Variants in EPB41L4A observed in about 807,000 individuals in gnomAD.
The protein encoded by EPB41L4A is band 4.1-like protein 4A.
A neutral mutation model predicts 108.6 loss-of-function variants in EPB41L4A; 100 were observed. The ratio of observed to expected loss-of-function variants is 0.92; its 90% CI spans 0.78 to 1.09. The LOEUF (loss-of-function observed/expected upper bound fraction) is 1.09. EPB41L4A is among the 50% of genes least tolerant of loss of function. The probability of loss-of-function intolerance (pLI) is 0.00; values close to 1 mark genes in which losing one functional copy is unlikely to be tolerated. For synonymous variants in EPB41L4A, 319 were observed against 289.0 expected, an observed-to-expected ratio of 1.10 and a Z score of -1.05; for missense variants, 1,030 against 842.7, an observed-to-expected ratio of 1.22 and a Z score of -2.75.
In EPB41L4A at chr5:112,275,406, T is replaced by C. The variant is rs765634993; in HGVS notation, c.257-2A>G. 1 of 1,534,304 alleles carries C rather than the reference T, an allele frequency of 6.5e-7. No individual in the cohort carries two copies. The highest frequency in any genetic ancestry group is 2.4e-5 in the East Asian group (1 of 41,672). ...AATACAAAGTATATGGAGGTCCAGC[T>C]AAAATAAGAAATAGAAATTAAATTT... On this transcript the variant is annotated splice_acceptor_variant, in intron 3 of 22. Coordinates refer to ENST00000261486, the MANE Select transcript of EPB41L4A (RefSeq NM_022140.5). LOFTEE classifies it high-confidence loss of function.
chr5:112,383,676 A>G (rs775757733), intron 1 of EPB41L4A, among the ~76,000 whole-genome samples: 1 of 152,234 alleles, frequency 6.6e-6, no homozygotes, highest in Non-Finnish European at 1.5e-5. Flanking sequence ...AAAGAATAAA[A>G]GCTTTTATAA....
chr5:112,277,678 G>A (rs1049131098), intron 3 of EPB41L4A, among the ~76,000 whole-genome samples: 1 of 152,094 alleles, frequency 6.6e-6, no homozygotes, highest in Non-Finnish European at 1.5e-5. Flanking sequence ...CAGCTTCTCA[G>A]GGAAATACAA....
intron 12 of EPB41L4A, among the ~76,000 whole-genome samples, chr5:112,216,687 A>G (rs1305014052): frequency 6.6e-6 from 1 of 152,236 alleles, no homozygotes; most frequent in Non-Finnish European, 1.5e-5. Flanking sequence ...ATTAGGTTTC[A>G]GTTAACACAA....
At chr5:112,387,401 C>G (rs972450135) in intron 1 of EPB41L4A, among the ~76,000 whole-genome samples, 2 of 151,932 alleles carry the variant, frequency 1.3e-5, no homozygotes, top group Non-Finnish European at 2.9e-5. Context: ...CCGAGGCGGG[C>G]AGATCACAGG....
chr5:112,194,734 T>C (rs1580406762), intron 16 of EPB41L4A, 89 bp from the exon 17 acceptor site: 1 of 738,722 alleles, frequency 1.4e-6, no homozygotes, highest in Non-Finnish European at 2.2e-6. Flanking sequence ...TCCTCTGGAA[T>C]TCATTTTGCA....
chr5:112,401,344 G>A (rs963626916), intron 1 of EPB41L4A, among the ~76,000 whole-genome samples: 2 of 152,262 alleles, frequency 1.3e-5, no homozygotes, highest in South Asian at 2.1e-4. Flanking sequence ...TGCATTTAAC[G>A]TATTCACTAC....
chr5:112,411,616 T>TG (rs559142616), intron 1 of EPB41L4A, among the ~76,000 whole-genome samples: 255 of 142,648 alleles, frequency 1.8e-3, no homozygotes, highest in Middle Eastern at 6.8e-3. Context: ...ATAAGGAAAC[T>TG]GGGGCTGGCA....
chr5:112,263,551 T>C (rs567528382), intron 6 of EPB41L4A: 9 of 152,342 alleles, frequency 5.9e-5, no homozygotes, highest in Admixed American at 4.6e-4. Context: ...TTGAAATCCC[T>C]AGTAGAATCA....
chr5:112,172,423 A>T (rs1489767003), intron 18 of EPB41L4A, among the ~76,000 whole-genome samples: 2 of 151,906 alleles, frequency 1.3e-5, no homozygotes, highest in African/African-American at 4.8e-5. Flanking sequence ...GAGGCATGAG[A>T]ATCACTTGAA....
intron 1 of EPB41L4A, among the ~76,000 whole-genome samples, chr5:112,382,754 A>G (rs1760254425): frequency 6.6e-6 from 1 of 152,194 alleles, no homozygotes; most frequent in South Asian, 2.1e-4. Flanking sequence ...GATACAGTAT[A>G]TAGGTAGCAG....
intron 15 of EPB41L4A, among the ~76,000 whole-genome samples, chr5:112,196,009 A>G (rs1761949768): frequency 6.6e-6 from 1 of 152,176 alleles, no homozygotes; most frequent in Non-Finnish European, 1.5e-5. Flanking sequence ...TTTCTGCCAT[A>G]GTGGAACTGA....
chr5:112,400,999 C>T (rs1761713746), intron 1 of EPB41L4A, among the ~76,000 whole-genome samples: 1 of 151,948 alleles, frequency 6.6e-6, no homozygotes, highest in South Asian at 2.1e-4. Context: ...ATAAGAAGTT[C>T]CAAAAAATGA....
chr5:112,409,548 T>C (rs1762292117), intron 1 of EPB41L4A, among the ~76,000 whole-genome samples: 1 of 152,210 alleles, frequency 6.6e-6, no homozygotes, highest in African/African-American at 2.4e-5. Flanking sequence ...GTCAAGCAGT[T>C]ATACCAAGAA....
rs199684882 is a variant in EPB41L4A, at chr5:112,418,999, T to C, written c.41A>G (p.Glu14Gly). 418 of 1,613,342 alleles carry C rather than the reference T, an allele frequency of 2.6e-4. No individual in the cohort carries two copies. The highest frequency in any genetic ancestry group is 3.4e-4 in the Non-Finnish European group (396 of 1,179,680). Residue 14 changes from glutamate to glycine, a missense_variant, in exon 1 of 23, where the codon GAA becomes GGA. Glu to Gly is a moderately conservative substitution (Grantham distance 98). Coordinates refer to ENST00000261486, the MANE Select transcript of EPB41L4A (RefSeq NM_022140.5). ...FCAVPEEFYC[E>G]VLLLDESKLT... Reference sequence around the variant, plus strand: ...CTTGGATTCATCCAGGAGCAAAACTTCGCAGTAAAATTCTTCCGGAACAGC... The same window carrying C: ...CTTGGATTCATCCAGGAGCAAAACTCCGCAGTAAAATTCTTCCGGAACAGC...
intron 4 of EPB41L4A, among the ~76,000 whole-genome samples, chr5:112,268,872 T>G (rs927999270): frequency 2.3e-5 from 3 of 132,766 alleles, no homozygotes; most frequent in African/African-American, 7.9e-5. Flanking sequence ...AAAAAGACTT[T>G]AACATCTGAC....
intron 1 of EPB41L4A, among the ~76,000 whole-genome samples, chr5:112,389,635 G>C (rs1760794578): frequency 6.6e-6 from 1 of 152,092 alleles, no homozygotes; most frequent in Admixed American, 6.5e-5. Flanking sequence ...CAACATTTTT[G>C]TTGTTTCTGC....
chr5:112,146,670 T>G (rs1156501532), intron 12 of EPB41L4A, among the ~76,000 whole-genome samples: 1 of 151,600 alleles, frequency 6.6e-6, no homozygotes, highest in Non-Finnish European at 1.5e-5. Flanking sequence ...ATACCTGACT[T>G]AAAAAAAAAT....
chr5:112,368,777 C>G (rs1286938232), intron 1 of EPB41L4A, among the ~76,000 whole-genome samples: 2 of 152,170 alleles, frequency 1.3e-5, no homozygotes, highest in African/African-American at 4.8e-5. Flanking sequence ...TCTTCTGGAG[C>G]TCTCTCACCT....
intron 9 of EPB41L4A, among the ~76,000 whole-genome samples, chr5:112,246,897 T>C (rs1165887373): frequency 1.3e-5 from 2 of 152,188 alleles, no homozygotes; most frequent in Non-Finnish European, 2.9e-5. Flanking sequence ...GCCCTTTAGA[T>C]GTAGAGCTCT....
Sources: allele counts gnomAD v4.1 joint callset (sites outside exome capture counted in the v4.1 genomes callset), GRCh38; gene constraint gnomAD v4.1.1; transcripts MANE v1.5; gene names NCBI Gene and HGNC (gene_info 2026-07-23, HGNC 2026-07-21).